The following MARK4 variants were observed in gnomAD, a reference collection of about 807,000 sequenced individuals.
MARK4 encodes the protein microtubule affinity regulating kinase 4, also known as MAP/microtubule affinity-regulating kinase 4.
In MARK4, 19 loss-of-function variants were observed where a neutral mutation model predicts 81.5. The ratio of observed to expected loss-of-function variants is 0.23; its 90% confidence interval spans 0.16 to 0.34. The LOEUF is 0.34. MARK4 is among the 10% of genes least tolerant of loss of function. The probability of loss-of-function intolerance (pLI) is 1.00; values close to 1 mark genes in which losing one functional copy is unlikely to be tolerated. For synonymous variants in MARK4, 436 were observed against 439.0 expected (o/e 0.99, Z 0.08); for missense variants, 772 against 1,058.8 (o/e 0.73, Z 3.76).
At chr19:45,267,672 T>C (rs1370441217) in intron 7 of MARK4, among the ~76,000 whole-genome samples, 2 of 152,062 alleles carry the variant, frequency 1.3e-5, no homozygotes, top group African/African-American at 4.8e-5. Context: ...ACTGGGTTGG[T>C]TTTGTTGTTT....
Position 45,255,434 on chromosome 19 carries a change from G to A in MARK4, c.52-3555G>A, listed in dbSNP as rs962954911. On this transcript the variant is annotated intron_variant, in intron 1 of 16. Coordinates refer to ENST00000262891, the MANE Select transcript of MARK4 (RefSeq NM_001199867.2). ...AAATTAGACGGTTGTGGTGGCGGGC[G>A]TCTGTAATCCCAGCCACTCGGGAGG... 4.6e-5 allele frequency among the ~76,000 whole-genome samples: 7 copies of A among 151,816 alleles called. No individual in the cohort carries two copies. In the South Asian group the frequency reaches 8.3e-4, roughly 18 times the overall value.
intron 2 of MARK4, among the ~76,000 whole-genome samples, chr19:45,262,346 A>G (rs924947815): frequency 6.1e-4 from 1 of 1,630 alleles, no homozygotes; most frequent in Non-Finnish European, 9.2e-4. Flanking sequence ...TCCAAAAGAA[A>G]AGGGGGCGGG....
At chr19:45,253,696 C>T (rs1015512599) in intron 1 of MARK4, among the ~76,000 whole-genome samples, 2 of 152,176 alleles carry the variant, frequency 1.3e-5, no homozygotes, top group Non-Finnish European at 2.9e-5. Context: ...TGATGGCCCC[C>T]CACTGTTAGG....
intron 7 of MARK4, among the ~76,000 whole-genome samples, chr19:45,267,456 G>A (rs1970470662): frequency 6.6e-6 from 1 of 152,168 alleles, no homozygotes; most frequent in Non-Finnish European, 1.5e-5. Flanking sequence ...GCTGAGCCAG[G>A]CAGCCTCCTC....
At position 45,271,749 on chromosome 19, in the gene MARK4, C is replaced by T; in HGVS notation, c.786+41C>T. 1.3e-6 allele frequency: 2 copies of T among 1,575,490 alleles called. No individual in the cohort carries two copies. Among genetic ancestry groups the T allele is most frequent in the Non-Finnish European group, 1.7e-6 (2 of 1,151,770 alleles). ...GGGTGCAGGGGCATCAGCCCCTCCCCACAGTCAGGCCCCTATCCCCCCCAC... is the reference window on the plus strand; with the variant it reads ...GGGTGCAGGGGCATCAGCCCCTCCCTACAGTCAGGCCCCTATCCCCCCCAC... On this transcript the variant is annotated intron_variant, in intron 8 of 16. Coordinates refer to ENST00000262891, the MANE Select transcript of MARK4 (RefSeq NM_001199867.2). This position sits in a 1 kb window ranked among gnomAD's most constrained non-coding sequence, Gnocchi z 4.1.
Position 45,297,786 on chromosome 19 carries a change from A to G in MARK4, c.1709A>G (p.His570Arg), listed in dbSNP as rs1325360947. Residue 570 changes from histidine to arginine, a missense_variant, in exon 15 of 17, where the codon CAT (histidine) becomes CGT (arginine). By Grantham distance (29) the His-to-Arg change is conservative. Transcript: ENST00000262891. ...GGTTCCACCATCCGCAGCACCTTCCATGGTGGCCAGGTCCGGGACCGGCGG... is the reference window on the plus strand; with the variant it reads ...GGTTCCACCATCCGCAGCACCTTCCGTGGTGGCCAGGTCCGGGACCGGCGG... ...ARGSTIRSTF[H>R]GGQVRDRRAG... 1.3e-6 allele frequency: 2 copies of G among 1,517,524 alleles called. No homozygotes were observed. The highest frequency in any genetic ancestry group is 1.9e-5 in the Admixed American group (1 of 52,282). The allele number at this position is 1,517,524 out of a possible 1,614,324, so 94.0% of individuals were successfully genotyped here.
chr19:45,287,831 T>G (rs756074756), intron 13 of MARK4, 167 bp downstream of exon 13: 1 of 797,236 alleles, frequency 1.3e-6, no homozygotes, highest in South Asian at 1.5e-5. Context: ...TTGCCTGAGC[T>G]CAGTTTATAC....
intron 13 of MARK4, among the ~76,000 whole-genome samples, chr19:45,290,441 G>T (rs1030971505): frequency 6.6e-6 from 1 of 152,240 alleles, no homozygotes; most frequent in Non-Finnish European, 1.5e-5. Context: ...GACCACAAGT[G>T]TCCACCTGTT....
intron 8 of MARK4, among the ~76,000 whole-genome samples, chr19:45,274,046 G>A (rs747082050): frequency 6.6e-6 from 1 of 151,436 alleles, no homozygotes; most frequent in Non-Finnish European, 1.5e-5. Context: ...TCAGGAGAGC[G>A]AGACCATCCT....
chr19:45,278,380 C>T, intron 9 of MARK4, 136 bp from the exon 10 acceptor site: 2 of 782,444 alleles, frequency 2.6e-6, no homozygotes, highest in Non-Finnish European at 4.3e-6. Flanking sequence ...AGAGAGAGGC[C>T]CAGGAGGCGC....
intron 15 of MARK4, chr19:45,298,359 G>A: frequency 1.1e-6 from 1 of 930,644 alleles, no homozygotes; most frequent in Non-Finnish European, 1.7e-6. Context: ...TTTACTCACA[G>A]AAGCACAGCC....
intron 12 of MARK4, among the ~76,000 whole-genome samples, chr19:45,281,962 G>A (rs1970680505): frequency 1.3e-5 from 2 of 152,078 alleles, no homozygotes; most frequent in African/African-American, 4.8e-5. Context: ...AGGCACGGTG[G>A]CTCATGTCTG....
At chr19:45,278,951 G>T (rs537872521) in intron 10 of MARK4, among the ~76,000 whole-genome samples, 4 of 152,146 alleles carry the variant, frequency 2.6e-5, no homozygotes, top group African/African-American at 9.7e-5. Context: ...AGGCGAGGTG[G>T]TTCATGCTGG....
At chr19:45,286,626 T>C (rs1048905733) in intron 12 of MARK4, among the ~76,000 whole-genome samples, 1 of 151,726 alleles carries the variant, frequency 6.6e-6, no homozygotes, top group African/African-American at 2.4e-5. Context: ...AGTGGGAGGA[T>C]GGCTTGAGCC....
rs12971645 is a variant in MARK4, at chr19:45,304,687, G to A, written c.*1977G>A. The stretch of plus-strand genomic sequence containing the variant: ...TCACAGTCCAATGGAGGAGGCAGAT[G>A]TGTCCTCAGGCAGCGACTGGGCAGG... On this transcript the variant is annotated 3_prime_UTR_variant, in exon 17 of 17. Transcript: ENST00000262891. The A allele has an allele frequency of 0.19, 28,264 of 152,306 alleles. 3,394 individuals are homozygous for A. Among genetic ancestry groups the A allele is most frequent in the Non-Finnish European group, 0.27 (18,690 of 68,076 alleles). The allele number at this position is 152,306 out of a possible 1,614,324, so 9.4% of individuals were successfully genotyped here.
At chr19:45,266,461 C>G (rs1022312210) in intron 7 of MARK4, among the ~76,000 whole-genome samples, 180 bp downstream of exon 7, 5 of 151,966 alleles carry the variant, frequency 3.3e-5, no homozygotes, top group Non-Finnish European at 2.9e-5. Context: ...GTGGCAGAAA[C>G]AAGGCCAGCA....
At chr19:45,264,306 A>G (rs1599781402) in intron 4 of MARK4, among the ~76,000 whole-genome samples, 1 of 152,092 alleles carries the variant, frequency 6.6e-6, no homozygotes, top group East Asian at 1.9e-4. Flanking sequence ...GTTGGAGATC[A>G]GCATGACCAA....
intron 13 of MARK4, among the ~76,000 whole-genome samples, chr19:45,292,429 G>A (rs976956669): frequency 6.6e-6 from 1 of 152,172 alleles, no homozygotes; most frequent in Non-Finnish European, 1.5e-5. Context: ...GCTCATTAAA[G>A]AACCTGGGTC....
At chr19:45,251,668 C>G (rs1310118414) in intron 1 of MARK4, 29 bp downstream of exon 1, 2 of 1,513,336 alleles carry the variant, frequency 1.3e-6, no homozygotes, top group Non-Finnish European at 1.8e-6. Flanking sequence ...CTTGGGGAGC[C>G]CTGGCTGGGT....
Sources: allele counts gnomAD v4.1 joint callset (sites outside exome capture counted in the v4.1 genomes callset), GRCh38; gene constraint gnomAD v4.1.1; non-coding constraint Gnocchi (gnomAD v3.1); transcripts MANE v1.5; gene names NCBI Gene and HGNC (gene_info 2026-07-23, HGNC 2026-07-21).